The following LARGE1 variants were observed in gnomAD, a reference collection of about 807,000 sequenced individuals.
LARGE1 encodes xylosyl- and glucuronyltransferase LARGE1.
Under a neutral mutation model 87.6 loss-of-function variants are expected in LARGE1, and 43 were observed. The ratio of observed to expected loss-of-function variants is 0.49; its 90% confidence interval spans 0.38 to 0.63. The LOEUF is 0.63. LARGE1 is among the 30% of genes least tolerant of loss of function. LARGE1 has a pLI of 0.00. For missense variants in LARGE1, 802 were observed against 1,000.2 expected (o/e 0.80, Z 2.67); for synonymous variants, 434 against 394.6 (o/e 1.10, Z -1.18).
intron 2 of LARGE1, among the ~76,000 whole-genome samples, chr22:33,651,919 A>G (rs1403761267): frequency 6.6e-6 from 1 of 151,970 alleles, no homozygotes; most frequent in Admixed American, 6.5e-5. Context: ...CATGCCTGTA[A>G]TCCCAGCATT....
chr22:33,404,088 A>G (rs2066013624), intron 7 of LARGE1, among the ~76,000 whole-genome samples: 1 of 152,240 alleles, frequency 6.6e-6, no homozygotes. Flanking sequence ...TAGGTTAAAC[A>G]TATAGTCTAT....
chr22:33,732,691 G>A (rs1158404646), intron 2 of LARGE1: 1 of 152,210 alleles, frequency 6.6e-6, no homozygotes. Flanking sequence ...TTCGCAAATG[G>A]GGAAAAGATT....
chr22:33,450,228 TA>T (rs2067854777), intron 6 of LARGE1, among the ~76,000 whole-genome samples: 2 of 152,020 alleles, frequency 1.3e-5, no homozygotes, highest in Non-Finnish European at 2.9e-5. Context: ...TTTGTACTTT[TA>T]AAAAATTTGA....
At chr22:33,252,257 C>CG in intron 11 of LARGE1, among the ~76,000 whole-genome samples, 1 of 138,806 alleles carries the variant, frequency 7.2e-6, no homozygotes, top group Non-Finnish European at 1.6e-5. Context: ...TCATTCCCCC[C>CG]CCCCCCGCCA....
intron 1 of LARGE1, among the ~76,000 whole-genome samples, chr22:33,845,553 C>A (rs929718545): frequency 6.6e-5 from 10 of 152,104 alleles, no homozygotes; most frequent in African/African-American, 2.4e-4. Context: ...GATCATCTAC[C>A]CGCCTCAGCC....
chr22:33,270,004 CAAAA>C (rs56995031), downstream of LARGE1, among the ~76,000 whole-genome samples: 1 of 86,646 alleles, frequency 1.2e-5, no homozygotes. Flanking sequence ...GACTCTGTCT[CAAAA>C]AAAAAAAAAA....
intron 2 of LARGE1, among the ~76,000 whole-genome samples, chr22:33,660,880 T>G (rs2081102459): frequency 6.6e-6 from 1 of 152,350 alleles, no homozygotes; most frequent in South Asian, 2.1e-4. Flanking sequence ...TTTTAAAACC[T>G]TTGCAATAAA....
At chr22:33,735,204 T>C (rs1020834899) in intron 2 of LARGE1, among the ~76,000 whole-genome samples, 7 of 152,178 alleles carry the variant, frequency 4.6e-5, no homozygotes, top group Non-Finnish European at 4.4e-5. Flanking sequence ...GGAATCTGCT[T>C]AACAAATTCC....
rs180838041 is a variant in LARGE1, at chr22:33,351,605, C to A, written c.1132-13804G>T. 8.5e-4 allele frequency among the ~76,000 whole-genome samples: 129 copies of A among 151,722 alleles called. 1 individual carries two copies. The highest frequency in any genetic ancestry group is 2.4e-4 in the Non-Finnish European group (16 of 67,912). On this transcript the variant is annotated intron_variant, in intron 9 of 14. Transcript: ENST00000397394. ...ATAAATATAAATGAGAAAAAGTGAC[C>A]AATCTTTAATTACAGAGAAATTCTA...
intron 1 of LARGE1, among the ~76,000 whole-genome samples, chr22:33,779,051 T>C (rs997668999): frequency 1.3e-5 from 2 of 152,210 alleles, no homozygotes; most frequent in Non-Finnish European, 2.9e-5. Flanking sequence ...TGCTTTTACT[T>C]TGGGCCACCG....
At position 33,521,564 on chromosome 22, in the gene LARGE1, A is replaced by G. The variant is rs534567711; in HGVS notation, c.787+43284T>C. On this transcript the variant is annotated intron_variant, in intron 6 of 14. Transcript: ENST00000397394. ...CTCATACCATTACATTGGTCAAAAC[A>G]AACGACAAGACCGGCCCAGATTCAG... is the stretch of plus-strand genomic sequence containing the variant. Among the ~76,000 whole-genome samples, 3 of 152,260 alleles carry G rather than the reference A, an allele frequency of 2.0e-5. No homozygotes were observed. In the East Asian group the frequency reaches 5.8e-4, roughly 29 times the overall value.
rs551296316 is a variant in LARGE1, at chr22:33,589,561, TCTTA to T, written c.615+14870_615+14873del. Among the ~76,000 whole-genome samples, 701 of 152,326 alleles carry T rather than the reference TCTTA, an allele frequency of 4.6e-3. 3 individuals carry two copies. Among genetic ancestry groups the T allele is most frequent in the African/African-American group, 0.016 (669 of 41,564 alleles). On this transcript the variant is annotated intron_variant, in intron 5 of 14. Coordinates refer to ENST00000397394, the MANE Select transcript of LARGE1 (RefSeq NM_133642.5). ...TGTTTACTTTTCTGTTTATTATTTT[TCTTA>T]CTTCACAGAATTCTGCTGTGAACTC...
At chr22:33,901,085 C>T (rs577245154) in intron 1 of LARGE1, among the ~76,000 whole-genome samples, 22 of 152,168 alleles carry the variant, frequency 1.4e-4, no homozygotes, top group African/African-American at 5.3e-4. Context: ...CACACAGAGA[C>T]ATGTACAGAG....
In LARGE1 at chr22:33,375,722, G is replaced by T. The variant is rs190613223; in HGVS notation, c.1131+6197C>A. 4.7e-4 allele frequency among the ~76,000 whole-genome samples: 72 copies of T among 152,198 alleles called. No homozygotes were observed. The East Asian group carries it at 0.012, about 25-fold the overall frequency. ...TCTTGGGTTATCTTATTAACCTCAA[G>T]AAATTTTTATTTTTATTTATGTTTA... On this transcript the variant is annotated intron_variant, in intron 9 of 14. Transcript: ENST00000397394.
chr22:33,922,207 G>A (rs921371788), upstream of LARGE1, among the ~76,000 whole-genome samples: 9 of 146,484 alleles, frequency 6.1e-5, no homozygotes, highest in Middle Eastern at 3.5e-3. Flanking sequence ...GCTGGGGAGG[G>A]GGCGCGCGGG....
At chr22:33,268,964 A>G (rs982974331), downstream of LARGE1, among the ~76,000 whole-genome samples, 5 of 152,340 alleles carry the variant, frequency 3.3e-5, no homozygotes, top group Non-Finnish European at 5.9e-5. Context: ...AAAAAATTAC[A>G]TATGCATACA....
At chr22:33,783,390 C>T (rs905363792) in intron 1 of LARGE1, among the ~76,000 whole-genome samples, 2 of 152,162 alleles carry the variant, frequency 1.3e-5, no homozygotes, top group African/African-American at 2.4e-5. Flanking sequence ...CATGGCAAAA[C>T]CCCATCTCTA....
intron 11 of LARGE1, among the ~76,000 whole-genome samples, chr22:33,313,569 T>A (rs1423801212): frequency 6.6e-6 from 1 of 152,208 alleles, no homozygotes; most frequent in African/African-American, 2.4e-5. Flanking sequence ...TATAGAAGAC[T>A]CCAGGGTCAT....
chr22:33,746,254 G>C (rs568580275), intron 2 of LARGE1, among the ~76,000 whole-genome samples: 25 of 152,252 alleles, frequency 1.6e-4, no homozygotes, highest in African/African-American at 5.8e-4. Context: ...AACAAAATAA[G>C]AATATTAGCA....
Sources: allele counts gnomAD v4.1 joint callset (sites outside exome capture counted in the v4.1 genomes callset), GRCh38; gene constraint gnomAD v4.1.1; transcripts MANE v1.5; gene names NCBI Gene and HGNC (gene_info 2026-07-23, HGNC 2026-07-21).